The following XRCC4 variants were observed in gnomAD, a reference collection of about 807,000 sequenced individuals.
XRCC4 encodes the protein X-ray repair cross complementing 4.
Under a neutral mutation model 39.1 loss-of-function variants are expected in XRCC4, and 28 were observed. That is an observed-to-expected ratio of 0.72 (90% CI 0.53 to 0.98). XRCC4 has a LOEUF of 0.98. Ranked by LOEUF, XRCC4 falls within the 50% of genes least tolerant of loss-of-function variation. XRCC4 has a pLI of 0.00. For missense variants in XRCC4, 350 were observed against 376.4 expected (o/e 0.93, Z 0.58); for synonymous variants, 123 against 126.4 (o/e 0.97, Z 0.18).
chr5:83,362,147 T>G, the XRCC4 span, among the ~76,000 whole-genome samples: 1 of 152,094 alleles, frequency 6.6e-6, no homozygotes, highest in Admixed American at 6.5e-5. Context: ...AAAGATGGCA[T>G]GACTTCCAGG....
intron 3 of XRCC4, among the ~76,000 whole-genome samples, chr5:83,177,322 C>T (rs929263157): frequency 1.3e-5 from 2 of 152,048 alleles, no homozygotes; most frequent in Non-Finnish European, 2.9e-5. Flanking sequence ...TTAGTTTTAG[C>T]ATAAGCCTTA....
At chr5:83,274,738 A>T (rs28360261) in intron 7 of XRCC4, among the ~76,000 whole-genome samples, 3,066 of 152,246 alleles carry the variant, frequency 0.02, 88 homozygotes, top group African/African-American at 0.07. Flanking sequence ...AGGTGAGCAA[A>T]TCCATTGTAT....
At chr5:83,087,673 A>C (rs1416184706) in intron 1 of XRCC4, among the ~76,000 whole-genome samples, 2 of 152,082 alleles carry the variant, frequency 1.3e-5, no homozygotes, top group Non-Finnish European at 2.9e-5. Context: ...AAAAAAAAAA[A>C]ATTTTTTTTT....
chr5:83,142,577 T>A (rs2112523959), intron 3 of XRCC4, among the ~76,000 whole-genome samples: 1 of 152,340 alleles, frequency 6.6e-6, no homozygotes, highest in Middle Eastern at 3.4e-3. Context: ...GGAGTGGAAG[T>A]GAAAGTAAAG....
At chr5:83,242,495 G>A (rs1235854336) in intron 6 of XRCC4, among the ~76,000 whole-genome samples, 4 of 151,790 alleles carry the variant, frequency 2.6e-5, no homozygotes, top group Non-Finnish European at 5.9e-5. Context: ...GCCCAGGCTG[G>A]AAAGTCGTGG....
downstream of XRCC4, among the ~76,000 whole-genome samples, chr5:83,353,996 A>T (rs1757160195): frequency 6.6e-6 from 1 of 152,154 alleles, no homozygotes; most frequent in Non-Finnish European, 1.5e-5. Flanking sequence ...TTATCTTTGT[A>T]GTCACTGTTT....
intron 3 of XRCC4, among the ~76,000 whole-genome samples, chr5:83,187,850 T>C (rs554769314): frequency 1.3e-5 from 2 of 152,280 alleles, no homozygotes; most frequent in South Asian, 4.1e-4. Context: ...ACTTACTTTT[T>C]AATTTAATTA....
At chr5:83,158,428 T>C (rs1749058048) in intron 3 of XRCC4, among the ~76,000 whole-genome samples, 1 of 152,234 alleles carries the variant, frequency 6.6e-6, no homozygotes, top group African/African-American at 2.4e-5. Flanking sequence ...ATCCTTTAAT[T>C]AATGTAAGAT....
At chr5:83,086,779 G>T (rs939011362) in intron 1 of XRCC4, among the ~76,000 whole-genome samples, 1 of 149,044 alleles carries the variant, frequency 6.7e-6, no homozygotes, top group Non-Finnish European at 1.5e-5. Flanking sequence ...TTTTTATCTA[G>T]TTTTTTTTTT....
At chr5:83,358,121 G>A (rs1011056067), downstream of XRCC4, among the ~76,000 whole-genome samples, 5 of 152,006 alleles carry the variant, frequency 3.3e-5, no homozygotes, top group African/African-American at 1.2e-4. Flanking sequence ...AACGCTTTTC[G>A]GGAAGGTAGA....
rs1176705699 is a variant in XRCC4, at chr5:83,107,367, C to T, written c.139+2309C>T. Reference sequence around the variant, plus strand: ...TTGAAACATGGAAACGGATTTCCTTCCGATACCTCATCCTGTTTTTTTTTG... The same window carrying T: ...TTGAAACATGGAAACGGATTTCCTTTCGATACCTCATCCTGTTTTTTTTTG... On this transcript the variant is annotated intron_variant, in intron 2 of 7. Transcript: ENST00000396027. Among the ~76,000 whole-genome samples, 5 of 151,044 alleles carry T rather than the reference C, an allele frequency of 3.3e-5. No homozygotes were observed. In the Admixed American group the frequency reaches 3.3e-4, roughly 10 times the overall value.
intron 7 of XRCC4, among the ~76,000 whole-genome samples, chr5:83,291,094 CT>C (rs1174895434): frequency 2.6e-5 from 4 of 151,546 alleles, no homozygotes; most frequent in South Asian, 2.1e-4. Context: ...ATTTGTGTAT[CT>C]TTTTTTTCTG....
chr5:83,141,957 C>T (rs1468242285), intron 3 of XRCC4, among the ~76,000 whole-genome samples: 1 of 152,104 alleles, frequency 6.6e-6, no homozygotes, highest in Non-Finnish European at 1.5e-5. Context: ...ATATCTTTTA[C>T]ACCTACTGTC....
Position 83,091,382 on chromosome 5 carries a change from A to G in XRCC4, c.-10-13528A>G, listed in dbSNP as rs147206276. 7.8e-3 allele frequency among the ~76,000 whole-genome samples: 1,185 copies of G among 152,256 alleles called. 13 individuals are homozygous for G. Among genetic ancestry groups the G allele is most frequent in the African/African-American group, 0.027 (1,106 of 41,542 alleles). The stretch of plus-strand genomic sequence containing the variant: ...ATCAGCTCTTGTGATAACTCACTCC[A>G]CTATTATGAGAACAGCATGGGGGAA... On this transcript the variant is annotated intron_variant, in intron 1 of 7. Transcript: ENST00000396027.
At chr5:83,101,579 T>G (rs1263790905) in intron 1 of XRCC4, among the ~76,000 whole-genome samples, 1 of 152,096 alleles carries the variant, frequency 6.6e-6, no homozygotes, top group East Asian at 1.9e-4. Context: ...TGGATAGATT[T>G]TGCCAAGGAT....
chr5:83,103,017 T>G (rs1746015856), intron 1 of XRCC4, among the ~76,000 whole-genome samples: 1 of 144,084 alleles, frequency 6.9e-6, no homozygotes, highest in Non-Finnish European at 1.5e-5. Context: ...CTGATATATA[T>G]ATATATATAT....
At chr5:83,268,621 G>A (rs1754034976) in intron 7 of XRCC4, among the ~76,000 whole-genome samples, 1 of 152,138 alleles carries the variant, frequency 6.6e-6, no homozygotes, top group African/African-American at 2.4e-5. Context: ...TCCAACCACA[G>A]GAAATATTTC....
intron 3 of XRCC4, among the ~76,000 whole-genome samples, chr5:83,125,874 T>C (rs913312169): frequency 6.6e-6 from 1 of 151,778 alleles, no homozygotes; most frequent in East Asian, 1.9e-4. Flanking sequence ...TCCGAGCTAC[T>C]TGGGAGGCTG....
At chr5:83,261,413 T>TAAC (rs1361628715) in intron 7 of XRCC4, among the ~76,000 whole-genome samples, 1 of 152,078 alleles carries the variant, frequency 6.6e-6, no homozygotes, top group African/African-American at 2.4e-5. Flanking sequence ...GTTTGCTACT[T>TAAC]ACGGGTGAAA....
Sources: allele counts gnomAD v4.1 joint callset (sites outside exome capture counted in the v4.1 genomes callset), GRCh38; gene constraint gnomAD v4.1.1; transcripts MANE v1.5; gene names NCBI Gene and HGNC (gene_info 2026-07-23, HGNC 2026-07-21).